The following ABTB2 variants were observed in gnomAD, a reference collection of about 807,000 sequenced individuals.
ABTB2 encodes ankyrin repeat and BTB/POZ domain-containing protein 2.
In ABTB2, 56 loss-of-function variants were observed where a neutral mutation model predicts 104.1. The ratio of observed to expected loss-of-function variants is 0.54; its 90% CI spans 0.43 to 0.67. The LOEUF (loss-of-function observed/expected upper bound fraction) is 0.67. ABTB2 is among the 30% of genes least tolerant of loss of function. ABTB2 has a pLI of 0.00. For synonymous variants in ABTB2, 606 were observed against 608.2 expected, an observed-to-expected ratio of 1.00 and a Z score of 0.05; for missense variants, 1,279 against 1,407.7, an observed-to-expected ratio of 0.91 and a Z score of 1.46.
At position 34,200,314 on chromosome 11, in the gene ABTB2, C is replaced by G. The variant is rs1197712483; in HGVS notation, c.1031-2776G>C. Among the ~76,000 whole-genome samples the G allele has an allele frequency of 2.6e-5, 4 of 152,132 alleles. No homozygotes were observed. In the East Asian group the frequency reaches 7.7e-4, roughly 29 times the overall value. Reference sequence around the variant, plus strand: ...TTGTTTTATTGTTATTGGTGGAGAACCCTTTGGCAGCACACTTCCTGCTTC... The same window carrying G: ...TTGTTTTATTGTTATTGGTGGAGAAGCCTTTGGCAGCACACTTCCTGCTTC... On this transcript the variant is annotated intron_variant, in intron 2 of 16. Coordinates refer to ENST00000435224, the MANE Select transcript of ABTB2 (RefSeq NM_145804.3).
At chr11:34,245,757 A>C (rs1311353087) in intron 1 of ABTB2, among the ~76,000 whole-genome samples, 1 of 152,160 alleles carries the variant, frequency 6.6e-6, no homozygotes, top group Non-Finnish European at 1.5e-5. Context: ...TTCACAATGA[A>C]GGGAAATGGA....
intron 1 of ABTB2, among the ~76,000 whole-genome samples, chr11:34,256,643 T>C (rs1014010006): frequency 2.0e-5 from 3 of 152,064 alleles, no homozygotes; most frequent in Non-Finnish European, 2.9e-5. Context: ...AGTGTGACAT[T>C]TGGGGGCTTG....
intron 1 of ABTB2, among the ~76,000 whole-genome samples, chr11:34,353,951 CA>C (rs1313680556): frequency 6.6e-6 from 1 of 152,156 alleles, no homozygotes; most frequent in Non-Finnish European, 1.5e-5. Context: ...AGGTTTGGAC[CA>C]CTCCATTTTG....
chr11:34,262,535 T>C (rs1465604550), intron 1 of ABTB2, among the ~76,000 whole-genome samples: 1 of 152,102 alleles, frequency 6.6e-6, no homozygotes. Context: ...AGGCTGTGGG[T>C]ATCGTCCAAT....
intron 1 of ABTB2, among the ~76,000 whole-genome samples, chr11:34,338,535 A>G (rs1169388307): frequency 7.1e-6 from 1 of 140,568 alleles, no homozygotes; most frequent in East Asian, 2.2e-4. Flanking sequence ...CATCTCTACT[A>G]AAAGTACAAA....
chr11:34,188,093 G>A (rs1479080383), intron 3 of ABTB2, among the ~76,000 whole-genome samples: 1 of 152,056 alleles, frequency 6.6e-6, no homozygotes, highest in Non-Finnish European at 1.5e-5. Context: ...AAAAAATTCT[G>A]GAAATATTTC....
intron 1 of ABTB2, among the ~76,000 whole-genome samples, chr11:34,285,870 T>G (rs1461210753): frequency 1.3e-5 from 2 of 152,170 alleles, no homozygotes; most frequent in Non-Finnish European, 2.9e-5. Context: ...GCATCTTGTG[T>G]CTGTAACTGG....
At chr11:34,186,819 C>T (rs1853106587) in intron 3 of ABTB2, among the ~76,000 whole-genome samples, 1 of 152,214 alleles carries the variant, frequency 6.6e-6, no homozygotes, top group Admixed American at 6.5e-5. Context: ...CTCCCAGAGC[C>T]AGCCAATGCA....
intron 2 of ABTB2, among the ~76,000 whole-genome samples, chr11:34,199,777 T>G (rs1005920453): frequency 6.6e-6 from 1 of 152,244 alleles, no homozygotes; most frequent in Non-Finnish European, 1.5e-5. Context: ...CCCTACTGAT[T>G]TTGAGGGCTC....
chr11:34,303,359 C>A (rs1247729814), intron 1 of ABTB2, among the ~76,000 whole-genome samples: 1 of 152,172 alleles, frequency 6.6e-6, no homozygotes, highest in East Asian at 1.9e-4. Context: ...ACCAGTCAAG[C>A]ATGTTTTACT....
chr11:34,153,097 A>G (rs896088321), intron 16 of ABTB2, among the ~76,000 whole-genome samples: 20 of 152,228 alleles, frequency 1.3e-4, no homozygotes, highest in Non-Finnish European at 1.5e-5. Context: ...GGTAAAGCCA[A>G]CGTGACAGGA....
chr11:34,161,059 G>C lies in ABTB2; in HGVS notation c.2241C>G (p.Ile747Met), dbSNP rs749270679. The change falls in exon 11 of 17, where the codon ATC (isoleucine) becomes ATG (methionine). Residue 747 changes from isoleucine (I) to methionine (M), a missense_variant. Physicochemically the swap from Ile to Met is conservative, Grantham distance 10. Transcript: ENST00000435224. ...ACGAGGTCCTCAGAGACTCGATCCA[G>C]ATGTGCAGCTTCCAGGGGACTCCTG... Reference protein sequence around the residue: ...RALGVPWKLHIWIESLRTSFS... With the variant: ...RALGVPWKLHMWIESLRTSFS... 3 of 1,611,180 alleles carry C rather than the reference G, an allele frequency of 1.9e-6. No individual in the cohort carries two copies. In the Admixed American group the frequency reaches 5.0e-5, roughly 27 times the overall value.
rs151214479 is a variant in ABTB2 at position 34,214,341 on chromosome 11, G to T, written c.884-9651C>A. On this transcript the variant is annotated intron_variant, in intron 1 of 16. Transcript: ENST00000435224. ...TTTCCAAACTTTTTATAATGAATATGGCTTACTGGCATAGGAACAATGACT... is the reference window on the plus strand; with the variant it reads ...TTTCCAAACTTTTTATAATGAATATTGCTTACTGGCATAGGAACAATGACT... 5.3e-4 allele frequency among the ~76,000 whole-genome samples: 80 copies of T among 152,084 alleles called. 1 individual carries two copies. Among genetic ancestry groups the T allele is most frequent in the Middle Eastern group, 3.4e-3 (1 of 294 alleles).
At chr11:34,182,706 GA>G (rs1853045750) in intron 3 of ABTB2, among the ~76,000 whole-genome samples, 1 of 152,022 alleles carries the variant, frequency 6.6e-6, no homozygotes, top group Non-Finnish European at 1.5e-5. Context: ...AGTGAGATGG[GA>G]GGTCCACCGT....
intron 7 of ABTB2, among the ~76,000 whole-genome samples, chr11:34,166,748 C>T (rs1205654923): frequency 1.3e-5 from 2 of 152,234 alleles, no homozygotes; most frequent in Non-Finnish European, 2.9e-5. Flanking sequence ...GTCCCCACGC[C>T]AGCACAGCTA....
At chr11:34,172,862 T>C (rs1272480054) in intron 4 of ABTB2, among the ~76,000 whole-genome samples, 1 of 152,196 alleles carries the variant, frequency 6.6e-6, no homozygotes, top group Non-Finnish European at 1.5e-5. Context: ...AGTCCCCAAG[T>C]ATCCCAAAGA....
chr11:34,249,456 G>C (rs773307570), intron 1 of ABTB2, among the ~76,000 whole-genome samples: 2 of 152,152 alleles, frequency 1.3e-5, no homozygotes, highest in African/African-American at 2.4e-5. Flanking sequence ...CCCCACCAAG[G>C]CTTCTCAAAT....
chr11:34,240,351 C>T (rs1265807407), intron 1 of ABTB2, among the ~76,000 whole-genome samples: 1 of 152,208 alleles, frequency 6.6e-6, no homozygotes, highest in African/African-American at 2.4e-5. Context: ...TCCAGGGAGT[C>T]TCGAGCGATC....
intron 1 of ABTB2, among the ~76,000 whole-genome samples, chr11:34,256,725 G>A (rs1371915703): frequency 1.3e-5 from 2 of 152,166 alleles, no homozygotes; most frequent in Admixed American, 1.3e-4. Flanking sequence ...TGTTTCCCAA[G>A]TGAAAAATGG....
Sources: gnomAD v4.1 joint callset for allele counts (sites outside exome capture counted in the v4.1 genomes callset) on GRCh38, gnomAD v4.1.1 for gene constraint, MANE v1.5 for transcripts, NCBI Gene and HGNC (gene_info 2026-07-23, HGNC 2026-07-21) for gene names.